Variants in ARHGAP24 observed in about 807,000 individuals in gnomAD.
ARHGAP24 encodes rho GTPase-activating protein 24.
ARHGAP24 carries 50 observed loss-of-function variants against 76.4 expected under a neutral mutation model. That is an observed-to-expected ratio of 0.65 (90% CI 0.52 to 0.83). The LOEUF (loss-of-function observed/expected upper bound fraction) is 0.83, where lower values mean the gene tolerates loss of function less well. ARHGAP24 is among the 40% of genes least tolerant of loss of function. ARHGAP24 has a pLI of 0.00. For synonymous variants in ARHGAP24, 345 were observed against 323.3 expected (o/e 1.07, Z -0.72); for missense variants, 930 against 914.2 (o/e 1.02, Z -0.22).
chr4:85,798,889 G>C (rs1477248813), intron 3 of ARHGAP24, among the ~76,000 whole-genome samples: 1 of 151,804 alleles, frequency 6.6e-6, no homozygotes, highest in African/African-American at 2.4e-5. Flanking sequence ...AAATAAAATG[G>C]GTGCTTACAC....
At chr4:85,688,194 T>C (rs750176403) in intron 2 of ARHGAP24, among the ~76,000 whole-genome samples, 1 of 152,146 alleles carries the variant, frequency 6.6e-6, no homozygotes, top group Non-Finnish European at 1.5e-5. Flanking sequence ...GCACCAACAA[T>C]GTATATATGT....
intron 2 of ARHGAP24, among the ~76,000 whole-genome samples, chr4:85,582,716 C>T (rs972141704): frequency 6.6e-6 from 1 of 152,164 alleles, no homozygotes; most frequent in African/African-American, 2.4e-5. Flanking sequence ...CTTACTATTA[C>T]ACAACCTAGT....
chr4:85,543,302 G>A (rs1186374449), intron 1 of ARHGAP24, among the ~76,000 whole-genome samples: 1 of 152,212 alleles, frequency 6.6e-6, no homozygotes, highest in Non-Finnish European at 1.5e-5. Flanking sequence ...CCTGGTGATA[G>A]TACTGAGAGG....
chr4:85,540,998 T>TAAGCTC (rs1725662051), intron 1 of ARHGAP24, among the ~76,000 whole-genome samples: 1 of 152,074 alleles, frequency 6.6e-6, no homozygotes, highest in African/African-American at 2.4e-5. Context: ...ATAATAGATT[T>TAAGCTC]AGGTTCCCAA....
intron 3 of ARHGAP24, among the ~76,000 whole-genome samples, chr4:85,902,311 C>T (rs958410018): frequency 2.0e-5 from 3 of 152,028 alleles, no homozygotes; most frequent in Admixed American, 2.0e-4. Context: ...TCAGATAGGG[C>T]GCAGACTAAC....
At chr4:85,662,917 G>A (rs1722462789) in intron 2 of ARHGAP24, among the ~76,000 whole-genome samples, 1 of 152,016 alleles carries the variant, frequency 6.6e-6, no homozygotes, top group Non-Finnish European at 1.5e-5. Context: ...TTTGGTTACT[G>A]TAGCTTTGTA....
intron 3 of ARHGAP24, among the ~76,000 whole-genome samples, chr4:85,792,007 G>A (rs958278285): frequency 6.6e-6 from 1 of 152,022 alleles, no homozygotes; most frequent in African/African-American, 2.4e-5. Flanking sequence ...AAGCAAAAAC[G>A]ATACTGAAAA....
rs75938208 is a variant in ARHGAP24 at position 85,675,568 on chromosome 4, C to G, written c.181-46317C>G. 7.7e-3 allele frequency among the ~76,000 whole-genome samples: 1,175 copies of G among 152,268 alleles called. 16 individuals are homozygous for G. Among genetic ancestry groups the G allele is most frequent in the African/African-American group, 0.027 (1,123 of 41,534 alleles). On this transcript the variant is annotated intron_variant, in intron 2 of 9. Transcript: ENST00000395184. Reference sequence around the variant, plus strand: ...TGGATAACCTTCTAACAAAAGATTTCCCGTAACATTTAAAGTTGGTGAGAT... The same window carrying G: ...TGGATAACCTTCTAACAAAAGATTTGCCGTAACATTTAAAGTTGGTGAGAT...
intron 3 of ARHGAP24, among the ~76,000 whole-genome samples, chr4:85,867,815 A>T (rs114286933): frequency 0.041 from 6,115 of 148,420 alleles, 432 homozygotes; most frequent in African/African-American, 0.14. Context: ...TATATATATA[A>T]AACTAGTGTA....
At chr4:85,661,273 G>A (rs1560573869) in intron 2 of ARHGAP24, among the ~76,000 whole-genome samples, 1 of 152,024 alleles carries the variant, frequency 6.6e-6, no homozygotes, top group Non-Finnish European at 1.5e-5. Flanking sequence ...ACATTAATTG[G>A]AGAATGAATC....
At chr4:85,882,658 G>A (rs1027877321) in intron 3 of ARHGAP24, among the ~76,000 whole-genome samples, 4 of 152,086 alleles carry the variant, frequency 2.6e-5, no homozygotes, top group Non-Finnish European at 5.9e-5. Flanking sequence ...CATGGTCCAC[G>A]TGGCCAAGAG....
At chr4:85,968,954 A>G (rs1413067060) in intron 5 of ARHGAP24, among the ~76,000 whole-genome samples, 2 of 152,284 alleles carry the variant, frequency 1.3e-5, no homozygotes, top group Admixed American at 6.5e-5. Context: ...CATATATACT[A>G]TAATGCTAGA....
rs116721262 is a variant in ARHGAP24 at position 85,817,720 on chromosome 4, G to C, written c.268+95748G>C. ...CCTTTCTATGTAGACTTTAACTGGG[G>C]TATTTAATACAAAAGGTTGGTCTTG... On this transcript the variant is annotated intron_variant, in intron 3 of 9. Transcript: ENST00000395184. Among the ~76,000 whole-genome samples, 485 of 152,262 alleles carry C rather than the reference G, an allele frequency of 3.2e-3. 4 individuals are homozygous for C. Among genetic ancestry groups the C allele is most frequent in the African/African-American group, 0.011 (468 of 41,556 alleles).
chr4:85,829,160 T>C (rs11097076), intron 3 of ARHGAP24, among the ~76,000 whole-genome samples: 47,086 of 151,922 alleles, frequency 0.31, 7,589 homozygotes, highest in Middle Eastern at 0.36. Context: ...TTTTAATTAA[T>C]TTGGATTCTG....
Position 85,587,984 on chromosome 4 carries a change from G to T in ARHGAP24, c.180+17263G>T, listed in dbSNP as rs578016775. 1.1e-4 allele frequency among the ~76,000 whole-genome samples: 16 copies of T among 152,280 alleles called. No homozygotes were observed. In the East Asian group the frequency reaches 3.1e-3, roughly 29 times the overall value. On this transcript the variant is annotated intron_variant, in intron 2 of 9. Coordinates refer to ENST00000395184, the MANE Select transcript of ARHGAP24 (RefSeq NM_001025616.3). ...AGGGCCTATTTAGACAGAAAGGAAG[G>T]GAAGGTCACATTTAAATTGAGATCT...
At chr4:85,880,232 C>T (rs1480305358) in intron 3 of ARHGAP24, among the ~76,000 whole-genome samples, 1 of 152,158 alleles carries the variant, frequency 6.6e-6, no homozygotes, top group Non-Finnish European at 1.5e-5. Context: ...TCTTATTGTA[C>T]TGTATTCACT....
At chr4:85,551,352 C>G (rs557341828) in intron 1 of ARHGAP24, among the ~76,000 whole-genome samples, 41 of 152,240 alleles carry the variant, frequency 2.7e-4, no homozygotes, top group African/African-American at 9.6e-4. Context: ...ATATATTGAA[C>G]CAACCTTGCA....
chr4:85,913,944 T>C (rs757864679), intron 3 of ARHGAP24, among the ~76,000 whole-genome samples: 10 of 152,204 alleles, frequency 6.6e-5, no homozygotes, highest in Non-Finnish European at 1.3e-4. Context: ...ATTTAACTCA[T>C]CAAACTCTAG....
intron 1 of ARHGAP24, among the ~76,000 whole-genome samples, chr4:85,534,587 T>A (rs1309691777): frequency 6.6e-6 from 1 of 151,990 alleles, no homozygotes; most frequent in Non-Finnish European, 1.5e-5. Context: ...AAATGTGGGT[T>A]AAAAGAAGGA....
Sources: allele counts gnomAD v4.1 joint callset (sites outside exome capture counted in the v4.1 genomes callset), GRCh38; gene constraint gnomAD v4.1.1; transcripts MANE v1.5; gene names NCBI Gene and HGNC (gene_info 2026-07-23, HGNC 2026-07-21).